RAI2: variants seen among roughly 807,000 people sequenced by gnomAD.
The protein encoded by RAI2 is retinoic acid induced 2.
In RAI2, 5 loss-of-function variants were observed where a neutral mutation model predicts 15.3. The ratio of observed to expected loss-of-function variants is 0.33; its 90% CI spans 0.17 to 0.69. RAI2 has a LOEUF of 0.69. RAI2 is among the 30% of genes least tolerant of loss of function. The pLI is 0.69. For missense variants in RAI2, 424 were observed against 424.7 expected, an observed-to-expected ratio of 1.00 and a Z score of 0.01; for synonymous variants, 191 against 184.0, an observed-to-expected ratio of 1.04 and a Z score of -0.31.
intron 1 of RAI2, among the ~76,000 whole-genome samples, chrX:17,845,790 C>A (rs1313595802): frequency 8.9e-6 from 1 of 112,223 alleles, no homozygotes; most frequent in African/African-American, 3.2e-5. Context: ...AATAAAAAGT[C>A]TTTTCTAATC....
Position 17,801,342 on chromosome X carries a change from G to T in RAI2, c.669C>A (p.Pro223=), listed in dbSNP as rs749095619. ...CCAAGAGGGTGGCTGGTGGGACCAG[G>T]GGGGACAAGGGGGAGCTAAAAGGCT... ...PPQPFSSPLS[P]LVPPATLLVP... The change falls in exon 2 of 2, where the codon CCC becomes CCA. Residue 223 remains proline (P), a synonymous_variant. Transcript: ENST00000451717. 11 of 1,154,507 alleles carry T rather than the reference G, an allele frequency of 9.5e-6. No homozygotes were observed. The highest frequency in any genetic ancestry group is 1.3e-5 in the Non-Finnish European group (11 of 868,104).
intron 1 of RAI2, among the ~76,000 whole-genome samples, chrX:17,822,176 C>T (rs929466490): frequency 2.7e-5 from 3 of 111,813 alleles, no homozygotes; most frequent in African/African-American, 3.3e-5. Context: ...GAGAAATATA[C>T]GATTAATAAT....
At chrX:17,805,682 C>A (rs191522475) in intron 1 of RAI2, among the ~76,000 whole-genome samples, 224 of 112,301 alleles carry the variant, frequency 2.0e-3, no homozygotes, top group African/African-American at 6.6e-3. Flanking sequence ...GATCTCAGGG[C>A]AAAGGGGAAA....
chrX:17,853,690 G>A (rs2067564083), intron 1 of RAI2, among the ~76,000 whole-genome samples: 1 of 110,857 alleles, frequency 9.0e-6, no homozygotes, highest in East Asian at 2.8e-4. Flanking sequence ...AAAAGGGAAA[G>A]GATCCCATTT....
chrX:17,853,107 G>T (rs1005918734), intron 1 of RAI2, among the ~76,000 whole-genome samples: 1 of 111,235 alleles, frequency 9.0e-6, no homozygotes, highest in African/African-American at 3.3e-5. Context: ...GGAATCAGGT[G>T]CATATGAAAA....
intron 1 of RAI2, among the ~76,000 whole-genome samples, chrX:17,808,690 G>A (rs2147217626): frequency 9.2e-6 from 1 of 109,217 alleles, no homozygotes; most frequent in South Asian, 4.1e-4. Flanking sequence ...GACGTGAGAT[G>A]GCTCTCCCTC....
intron 1 of RAI2, among the ~76,000 whole-genome samples, chrX:17,850,559 A>C (rs749335016): frequency 8.9e-6 from 1 of 112,387 alleles, no homozygotes; most frequent in East Asian, 2.8e-4. Flanking sequence ...CCAGCTCTCT[A>C]TGAGTGAGGG....
At chrX:17,805,430 C>A (rs1262848332) in intron 1 of RAI2, among the ~76,000 whole-genome samples, 1 of 112,878 alleles carries the variant, frequency 8.9e-6, no homozygotes, top group Non-Finnish European at 1.9e-5. Context: ...GGCTATGGTT[C>A]TGTTACTGGA....
At chrX:17,836,810 A>AC (rs1285791928) in intron 1 of RAI2, among the ~76,000 whole-genome samples, 2 of 112,324 alleles carry the variant, frequency 1.8e-5, no homozygotes, top group African/African-American at 6.5e-5. Flanking sequence ...CCAAAGGCAG[A>AC]CCCTGTGACC....
intron 1 of RAI2, among the ~76,000 whole-genome samples, chrX:17,849,781 G>C (rs1317637112): frequency 8.9e-6 from 1 of 112,765 alleles, no homozygotes; most frequent in African/African-American, 3.2e-5. Flanking sequence ...CCCACTTGCT[G>C]GCAGGCCAGA....
chrX:17,801,100 C>T lies in RAI2; in HGVS notation c.911G>A (p.Arg304His), dbSNP rs2066902499. Residue 304 changes from arginine (R) to histidine (H), a missense_variant, in exon 2 of 2, where the codon CGC becomes CAC. By Grantham distance (29) the Arg-to-His change is conservative (BLOSUM62 0). Transcript: ENST00000451717. ...LQPKEYFQLS[R>H]HTVIKMGSEN... Reference sequence around the variant, plus strand: ...ACTTCCCATCTTAATGACCGTGTGGCGGCTGAGCTGGAAGTACTCCTTAGG... The same window carrying T: ...ACTTCCCATCTTAATGACCGTGTGGTGGCTGAGCTGGAAGTACTCCTTAGG... 7.4e-6 allele frequency: 9 copies of T among 1,209,590 alleles called. No homozygotes were observed. Among genetic ancestry groups the T allele is most frequent in the African/African-American group, 1.8e-5 (1 of 56,983 alleles).
intron 1 of RAI2, among the ~76,000 whole-genome samples, chrX:17,859,802 G>A (rs1421053860): frequency 3.6e-5 from 4 of 111,507 alleles, no homozygotes; most frequent in East Asian, 5.7e-4. Flanking sequence ...CCGGGAACAC[G>A]GTCACCCAGA....
rs753123304 is a variant in RAI2, at chrX:17,800,952, G to A, written c.1059C>T (p.Ser353=). The change falls in exon 2 of 2, where the codon TCC becomes TCT. Residue 353 remains serine (S), a synonymous_variant. Coordinates refer to ENST00000451717, the MANE Select transcript of RAI2 (RefSeq NM_021785.6). The stretch of plus-strand genomic sequence containing the variant: ...CATACAGTGTCTCAGGGGGAGGCTC[G>A]GATTTCCGGTGGGCTGCCACTGACA... The part of the protein sequence containing the change: ...LDLSVAAHRK[S]EPPPETLYDS... 5.0e-6 allele frequency: 6 copies of A among 1,211,041 alleles called. No individual in the cohort carries two copies. Among genetic ancestry groups the A allele is most frequent in the East Asian group, 5.9e-5 (2 of 33,802 alleles).
chrX:17,854,816 C>T (rs1198587319), intron 1 of RAI2, among the ~76,000 whole-genome samples: 1 of 111,949 alleles, frequency 8.9e-6, no homozygotes, highest in Non-Finnish European at 1.9e-5. Context: ...AAACAGTCTG[C>T]TTCTGCCATG....
intron 1 of RAI2, among the ~76,000 whole-genome samples, chrX:17,816,254 C>T (rs890755250): frequency 7.2e-5 from 8 of 111,064 alleles, no homozygotes; most frequent in African/African-American, 2.6e-4. Context: ...CTTCCCATCC[C>T]GCCAACTCCC....
intron 1 of RAI2, among the ~76,000 whole-genome samples, chrX:17,802,947 T>A (rs2066933967): frequency 9.0e-6 from 1 of 111,605 alleles, no homozygotes. Flanking sequence ...GCGATAGGGC[T>A]CTCCATGGAA....
chrX:17,819,059 C>G (rs1190373299), intron 1 of RAI2, among the ~76,000 whole-genome samples: 1 of 112,120 alleles, frequency 8.9e-6, no homozygotes, highest in African/African-American at 3.2e-5. Context: ...GGCCTCCTTC[C>G]CCTTCCCTAG....
At chrX:17,817,048 G>T (rs749274662) in intron 1 of RAI2, among the ~76,000 whole-genome samples, 41 of 111,725 alleles carry the variant, frequency 3.7e-4, no homozygotes, top group Non-Finnish European at 3.8e-5. Context: ...CAGGGGGAAG[G>T]GCCGCCTGCC....
rs199687946 is a variant in RAI2 at position 17,801,480 on chromosome X, C to A, written c.531G>T (p.Pro177=). The A allele has an allele frequency of 3.6e-5, 42 of 1,174,162 alleles. 1 individual carries two copies. In the Admixed American group the frequency reaches 7.2e-4, roughly 20 times the overall value. The change falls in exon 2 of 2, where the codon CCG becomes CCT. Residue 177 remains proline, a synonymous_variant. Coordinates refer to ENST00000451717, the MANE Select transcript of RAI2 (RefSeq NM_021785.6). ...CTTCAAATGGCAAAGTGGGCTCCTG[C>A]GGCTGGCTGGGGATCCTCAGGTCCA... The part of the protein sequence containing the change: ...QLLDLRIPSQ[P]QEPTLPFEAV...
Sources: allele counts gnomAD v4.1 joint callset (sites outside exome capture counted in the v4.1 genomes callset), GRCh38; gene constraint gnomAD v4.1.1; transcripts MANE v1.5; gene names NCBI Gene and HGNC (gene_info 2026-07-23, HGNC 2026-07-21).